Variants in SNTG1 observed in about 807,000 individuals in gnomAD.
SNTG1 encodes syntrophin gamma 1.
A neutral mutation model predicts 74.7 loss-of-function variants in SNTG1; 39 were observed. The observed-to-expected ratio is 0.52, with a 90% CI of 0.40 to 0.68. The LOEUF (loss-of-function observed/expected upper bound fraction) is 0.68, where lower values mean the gene tolerates loss of function less well. SNTG1 is among the 30% of genes least tolerant of loss of function. The pLI, the probability that SNTG1 is intolerant of heterozygous loss-of-function variation, is 0.00. For missense variants in SNTG1, 685 were observed against 609.5 expected, an observed-to-expected ratio of 1.12 and a Z score of -1.30; for synonymous variants, 254 against 217.1, an observed-to-expected ratio of 1.17 and a Z score of -1.49.
chr8:50,598,763 TTA>T (rs1442863781), intron 13 of SNTG1, among the ~76,000 whole-genome samples: 1 of 151,990 alleles, frequency 6.6e-6, no homozygotes, highest in Non-Finnish European at 1.5e-5. Context: ...CATCAATGCT[TTA>T]TAGTTTTTAT....
intron 4 of SNTG1, among the ~76,000 whole-genome samples, chr8:50,432,166 A>G (rs2093244443): frequency 6.6e-6 from 1 of 152,200 alleles, no homozygotes; most frequent in African/African-American, 2.4e-5. Context: ...ATTTAAGCCT[A>G]TCTATGATAC....
chr8:49,923,827 T>C (rs1182004712), intron 1 of SNTG1, among the ~76,000 whole-genome samples: 1 of 152,148 alleles, frequency 6.6e-6, no homozygotes, highest in Non-Finnish European at 1.5e-5. Context: ...AAGGAGATCA[T>C]TTATAAATGC....
intron 11 of SNTG1, among the ~76,000 whole-genome samples, chr8:50,540,145 C>G (rs1477763125): frequency 6.6e-6 from 1 of 152,102 alleles, no homozygotes; most frequent in Non-Finnish European, 1.5e-5. Context: ...CATCAGAAAG[C>G]AGCTGATAAG....
At chr8:50,279,353 A>G (rs1295970218) in intron 2 of SNTG1, among the ~76,000 whole-genome samples, 2 of 152,174 alleles carry the variant, frequency 1.3e-5, no homozygotes, top group Non-Finnish European at 2.9e-5. Flanking sequence ...GAAAAACAAA[A>G]TCTGAGTAAA....
intron 1 of SNTG1, among the ~76,000 whole-genome samples, chr8:50,110,880 A>G (rs920189220): frequency 1.3e-5 from 2 of 152,154 alleles, no homozygotes; most frequent in Admixed American, 6.6e-5. Flanking sequence ...TTTAGCATAT[A>G]AAAATATAGG....
At chr8:50,196,501 ATC>A (rs771654448) in intron 2 of SNTG1, among the ~76,000 whole-genome samples, 2 of 152,058 alleles carry the variant, frequency 1.3e-5, no homozygotes, top group Admixed American at 6.6e-5. Flanking sequence ...TGGTTGAAGG[ATC>A]TCTCTCTCTC....
At chr8:49,931,381 G>T (rs562384611) in intron 1 of SNTG1, among the ~76,000 whole-genome samples, 7 of 152,086 alleles carry the variant, frequency 4.6e-5, no homozygotes, top group Non-Finnish European at 8.8e-5. Context: ...ATAAACAAGG[G>T]AATCATAGAC....
intron 8 of SNTG1, among the ~76,000 whole-genome samples, chr8:50,485,557 A>T (rs1240925257): frequency 6.6e-6 from 1 of 150,526 alleles, no homozygotes; most frequent in African/African-American, 2.4e-5. Flanking sequence ...TTCATTGTAG[A>T]TTCTGGATAT....
At chr8:50,511,497 C>T (rs1222564318) in intron 9 of SNTG1, among the ~76,000 whole-genome samples, 1 of 152,110 alleles carries the variant, frequency 6.6e-6, no homozygotes, top group Non-Finnish European at 1.5e-5. Flanking sequence ...ATTGACCTGT[C>T]TCATGTTGAC....
At chr8:49,951,642 A>T (rs1008664396) in intron 1 of SNTG1, among the ~76,000 whole-genome samples, 1 of 151,490 alleles carries the variant, frequency 6.6e-6, no homozygotes, top group Non-Finnish European at 1.5e-5. Context: ...TAGCATTGGG[A>T]GATATACCTA....
intron 2 of SNTG1, among the ~76,000 whole-genome samples, chr8:50,379,624 T>C (rs1481307943): frequency 3.3e-5 from 5 of 152,222 alleles, no homozygotes; most frequent in African/African-American, 1.2e-4. Flanking sequence ...GCTGACCTGA[T>C]GGCAACTGCC....
rs185560747 is a variant in SNTG1 at position 50,438,579 on chromosome 8, G to C, written c.199G>C (p.Gly67Arg). 6.2e-7 allele frequency: 1 copy of C among 1,613,258 alleles called. No homozygotes were observed. The highest frequency in any genetic ancestry group is 1.3e-5 in the African/African-American group (1 of 75,000). Reference protein sequence around the residue: ...TVTIRRQTVGGFGLSIKGGAE... With the variant: ...TVTIRRQTVGRFGLSIKGGAE... The stretch of plus-strand genomic sequence containing the variant: ...GACCATCAGAAGACAAACAGTAGGA[G>C]GATTTGGATTAAGCATAAAGGTAGC... Residue 67 changes from glycine (G) to arginine (R), a missense_variant, in exon 5 of 19, where the codon GGA (glycine) becomes CGA (arginine). Gly to Arg is a moderately radical substitution (Grantham distance 125, BLOSUM62 -2). Transcript: ENST00000642720.
chr8:50,156,926 A>G (rs1361692239), intron 1 of SNTG1, among the ~76,000 whole-genome samples: 1 of 152,160 alleles, frequency 6.6e-6, no homozygotes, highest in Admixed American at 6.5e-5. Flanking sequence ...TGTGAAATGT[A>G]AAATGGTACA....
At chr8:50,110,038 A>C (rs1333837694) in intron 1 of SNTG1, among the ~76,000 whole-genome samples, 1 of 152,142 alleles carries the variant, frequency 6.6e-6, no homozygotes, top group East Asian at 1.9e-4. Context: ...CAAACCAGGA[A>C]TTGGATATGA....
intron 12 of SNTG1, among the ~76,000 whole-genome samples, chr8:50,561,069 C>T (rs1041440088): frequency 2.3e-4 from 35 of 152,230 alleles, no homozygotes; most frequent in Admixed American, 2.1e-3. Flanking sequence ...AAATTGTAAT[C>T]CCCATGTGTC....
chr8:50,342,189 C>T (rs968717071), intron 2 of SNTG1, among the ~76,000 whole-genome samples: 1 of 152,036 alleles, frequency 6.6e-6, no homozygotes, highest in African/African-American at 2.4e-5. Context: ...TTTAGTTCGG[C>T]ATGAAGTAGT....
intron 2 of SNTG1, among the ~76,000 whole-genome samples, chr8:50,206,811 C>T (rs183359561): frequency 1.3e-5 from 2 of 152,276 alleles, no homozygotes; most frequent in African/African-American, 4.8e-5. Context: ...TTTTCTGCAT[C>T]TATTGAGACA....
intron 1 of SNTG1, among the ~76,000 whole-genome samples, chr8:50,145,732 T>A (rs2081839389): frequency 6.6e-6 from 1 of 152,170 alleles, no homozygotes; most frequent in South Asian, 2.1e-4. Context: ...ATAACAAATT[T>A]CCTTATTGTC....
chr8:50,604,408 C>A (rs1282847527), intron 13 of SNTG1, among the ~76,000 whole-genome samples: 1 of 151,406 alleles, frequency 6.6e-6, no homozygotes, highest in Non-Finnish European at 1.5e-5. Context: ...AGAGGAAGAC[C>A]CTCTTTCAAA....
Sources: gnomAD v4.1 joint callset for allele counts (sites outside exome capture counted in the v4.1 genomes callset) on GRCh38, gnomAD v4.1.1 for gene constraint, MANE v1.5 for transcripts, NCBI Gene and HGNC (gene_info 2026-07-23, HGNC 2026-07-21) for gene names.